RPH3A: variants seen among roughly 807,000 people sequenced by gnomAD.
RPH3A encodes the protein rabphilin 3A, also known as rabphilin-3A.
In RPH3A, 48 loss-of-function variants were observed where a neutral mutation model predicts 102.2. That is an observed-to-expected ratio of 0.47 (90% CI 0.37 to 0.60). RPH3A has a LOEUF of 0.60. Ranked by LOEUF, RPH3A falls within the 20% of genes least tolerant of loss-of-function variation. The pLI, the probability that RPH3A is intolerant of heterozygous loss-of-function variation, is 0.00. For synonymous variants in RPH3A, 310 were observed against 324.3 expected, an observed-to-expected ratio of 0.96 and a Z score of 0.47; for missense variants, 781 against 910.1, an observed-to-expected ratio of 0.86 and a Z score of 1.83.
At chr12:112,724,326 A>G (rs2040572314) in intron 1 of RPH3A, among the ~76,000 whole-genome samples, 1 of 152,152 alleles carries the variant, frequency 6.6e-6, no homozygotes, top group South Asian at 2.1e-4. Context: ...CAACCTCTGA[A>G]AGTGCTGGAC....
intron 1 of RPH3A, among the ~76,000 whole-genome samples, chr12:112,742,760 T>C (rs2040718734): frequency 6.6e-6 from 1 of 152,164 alleles, no homozygotes; most frequent in African/African-American, 2.4e-5. Context: ...ATTAGCTTCT[T>C]ATGGCTGCTG....
intron 5 of RPH3A, among the ~76,000 whole-genome samples, chr12:112,859,029 T>C (rs1368834500): frequency 6.6e-6 from 1 of 152,222 alleles, no homozygotes; most frequent in East Asian, 1.9e-4. Context: ...GTCAGCCACT[T>C]ACAGGGTTCA....
chr12:112,649,332 A>G (rs1376849483), intron 1 of RPH3A: 1 of 152,202 alleles, frequency 6.6e-6, no homozygotes, highest in East Asian at 1.9e-4. Flanking sequence ...GCTCTATGCA[A>G]TGCTTTAGTG....
Position 112,619,254 on chromosome 12 carries a change from G to C in RPH3A, c.-140+43935G>C, listed in dbSNP as rs1350973650. ...ATTGCCTTATGGTAATTCTGTGTGT[G>C]TGTGTGTGTGTGTGTGTGTGTGTGT... is the stretch of plus-strand genomic sequence containing the variant. On this transcript the variant is annotated intron_variant, in intron 1 of 21. Coordinates refer to the RPH3A transcript ENST00000543106. Among the ~76,000 whole-genome samples, 3 of 119,820 alleles carry C rather than the reference G, an allele frequency of 2.5e-5. 1 individual carries two copies. The highest frequency in any genetic ancestry group is 5.6e-4 in the South Asian group (2 of 3,576). The allele number at this position is 119,820 out of a possible 152,430, so 78.6% of individuals were successfully genotyped here.
At chr12:112,723,258 C>T (rs537249602) in intron 1 of RPH3A, among the ~76,000 whole-genome samples, 5 of 151,958 alleles carry the variant, frequency 3.3e-5, no homozygotes, top group South Asian at 2.1e-4. Flanking sequence ...GAAGCCTTAC[C>T]GATAACATAA....
intron 1 of RPH3A, among the ~76,000 whole-genome samples, chr12:112,724,052 A>ATTTTTTT (rs146271090): frequency 8.5e-6 from 1 of 117,324 alleles, no homozygotes; most frequent in African/African-American, 3.2e-5. Context: ...AATTTTTTTG[A>ATTTTTTT]TTTTTTTTTT....
rs192379282 is a variant in RPH3A at position 112,740,809 on chromosome 12, C to T, written c.-139-51334C>T. ...ATTTTCGAGACCTTGACCATTAGTGCTAAGGTTCAAAGTCTGAAAGTGCCA... is the reference window on the plus strand; with the variant it reads ...ATTTTCGAGACCTTGACCATTAGTGTTAAGGTTCAAAGTCTGAAAGTGCCA... On this transcript the variant is annotated intron_variant, in intron 1 of 21. Coordinates refer to the RPH3A transcript ENST00000543106. Among the ~76,000 whole-genome samples the T allele has an allele frequency of 1.5e-3, 221 of 152,282 alleles. 1 individual carries two copies. The highest frequency in any genetic ancestry group is 5.2e-3 in the African/African-American group (217 of 41,564).
intron 1 of RPH3A, among the ~76,000 whole-genome samples, chr12:112,684,921 G>C (rs58269574): frequency 6.6e-6 from 1 of 152,048 alleles, no homozygotes; most frequent in South Asian, 2.1e-4. Flanking sequence ...TCTTCTCTAC[G>C]TCCCCACCTG....
In RPH3A at chr12:112,895,707, C is replaced by T. The variant is rs1044929702; in HGVS notation, c.1858-70C>T. On this transcript the variant is annotated intron_variant, in intron 20 of 21. Transcript: ENST00000389385. ...TCCTTGGCCCATAACCCCTAGGACTCGGCCTCTTACCTCCCAATGCTGTGG... is the reference window on the plus strand; with the variant it reads ...TCCTTGGCCCATAACCCCTAGGACTTGGCCTCTTACCTCCCAATGCTGTGG... The T allele has an allele frequency of 7.6e-5, 82 of 1,081,432 alleles. No individual in the cohort carries two copies. In the African/African-American group the frequency reaches 7.9e-4, roughly 10 times the overall value. The allele number at this position is 1,081,432 out of a possible 1,614,324, so 67.0% of individuals were successfully genotyped here.
At chr12:112,866,671 T>G (rs1258036158) in intron 6 of RPH3A, 86 bp from the exon 7 acceptor site, 3 of 1,078,518 alleles carry the variant, frequency 2.8e-6, no homozygotes, top group Non-Finnish European at 4.1e-6. Context: ...CCTCTTTACA[T>G]CCACCAAGAG....
chr12:112,847,969 C>G (rs554437969), intron 5 of RPH3A, 127 bp downstream of exon 5: 2 of 982,734 alleles, frequency 2.0e-6, no homozygotes, highest in African/African-American at 3.3e-5. Flanking sequence ...TTGTGACTTA[C>G]GGGGCCACCT....
chr12:112,883,384 T>C lies in RPH3A; in HGVS notation c.1418T>C (p.Met473Thr), dbSNP rs745709109. ...TATCACGGCATCACCGATGAGGACA[T>C]GCAAAGGAAGACCCTCAGGTACCTG... ...LVYHGITDEDMQRKTLRISVC... is the reference protein window; with the variant it reads ...LVYHGITDEDTQRKTLRISVC... Residue 473 changes from methionine to threonine, a missense_variant, in exon 16 of 22, where the codon ATG becomes ACG. Coordinates refer to ENST00000389385, the MANE Select transcript of RPH3A (RefSeq NM_001143854.2). 1 of 1,613,726 alleles carries C rather than the reference T, an allele frequency of 6.2e-7. No homozygotes were observed. The highest frequency in any genetic ancestry group is 1.1e-5 in the South Asian group (1 of 91,012).
intron 1 of RPH3A, among the ~76,000 whole-genome samples, chr12:112,584,318 G>A (rs1050487399): frequency 2.6e-5 from 4 of 152,174 alleles, no homozygotes; most frequent in African/African-American, 9.7e-5. Flanking sequence ...GGAACCAGAT[G>A]TTTCTGTTCA....
At chr12:112,586,567 A>G (rs1846122846) in intron 1 of RPH3A, among the ~76,000 whole-genome samples, 1 of 152,074 alleles carries the variant, frequency 6.6e-6, no homozygotes, top group South Asian at 2.1e-4. Flanking sequence ...CAAGCAGGGG[A>G]ATGAAGCTAG....
intron 1 of RPH3A, among the ~76,000 whole-genome samples, chr12:112,744,741 G>A (rs2040732355): frequency 1.3e-5 from 2 of 152,152 alleles, no homozygotes; most frequent in Admixed American, 6.5e-5. Flanking sequence ...CACAGTCAGG[G>A]GAGACAGGGC....
At chr12:112,719,538 G>A (rs939846934) in intron 1 of RPH3A, among the ~76,000 whole-genome samples, 8 of 152,080 alleles carry the variant, frequency 5.3e-5, no homozygotes, top group African/African-American at 1.7e-4. Flanking sequence ...CTTGTCTAAT[G>A]GTCTTCCCCA....
rs138211372 is a variant in RPH3A at position 112,777,810 on chromosome 12, C to T, written c.-139-14333C>T. On this transcript the variant is annotated intron_variant, in intron 1 of 21. Coordinates refer to the RPH3A transcript ENST00000543106. ...TTTTGCTAAATTCTATAGTCTTGCT[C>T]ACAATACCGCAGCAGGATGGCTGCT... is the stretch of plus-strand genomic sequence containing the variant. Among the ~76,000 whole-genome samples, 162 of 152,336 alleles carry T rather than the reference C, an allele frequency of 1.1e-3. 2 individuals are homozygous for T. The East Asian group carries it at 0.03, about 28-fold the overall frequency.
intron 1 of RPH3A, among the ~76,000 whole-genome samples, chr12:112,666,276 C>T (rs746937296): frequency 9.2e-5 from 14 of 152,090 alleles, no homozygotes; most frequent in South Asian, 4.1e-4. Context: ...GCATTTTAGT[C>T]GTTCAGGGAA....
chr12:112,764,798 C>T (rs112017719), intron 1 of RPH3A, among the ~76,000 whole-genome samples: 8 of 152,138 alleles, frequency 5.3e-5, no homozygotes, highest in African/African-American at 1.9e-4. Flanking sequence ...TCTACCCAGA[C>T]AATTATGGCC....
Sources: allele counts gnomAD v4.1 joint callset (sites outside exome capture counted in the v4.1 genomes callset), GRCh38; gene constraint gnomAD v4.1.1; transcripts MANE v1.5; gene names NCBI Gene and HGNC (gene_info 2026-07-23, HGNC 2026-07-21).